FBXL17: variants seen among roughly 807,000 people sequenced by gnomAD.
The protein encoded by FBXL17 is F-box/LRR-repeat protein 17.
A neutral mutation model predicts 66.2 loss-of-function variants in FBXL17; 22 were observed. The ratio of observed to expected loss-of-function variants is 0.33; its 90% CI spans 0.24 to 0.47. The LOEUF is 0.47. Ranked by LOEUF, FBXL17 falls within the 20% of genes least tolerant of loss-of-function variation. The pLI, the probability that FBXL17 is intolerant of heterozygous loss-of-function variation, is 1.00. For missense variants in FBXL17, 878 were observed against 948.2 expected (o/e 0.93, Z 0.97); for synonymous variants, 474 against 400.5 (o/e 1.18, Z -2.19).
intron 5 of FBXL17, among the ~76,000 whole-genome samples, chr5:108,202,960 T>A (rs1753958528): frequency 6.6e-6 from 1 of 152,072 alleles, no homozygotes; most frequent in Non-Finnish European, 1.5e-5. Context: ...CTTTAATGGG[T>A]CAGCAGGAAA....
intron 4 of FBXL17, among the ~76,000 whole-genome samples, chr5:108,293,112 CA>C (rs543502394): frequency 7.7e-5 from 11 of 142,912 alleles, no homozygotes; most frequent in African/African-American, 2.0e-4. Context: ...AAAAAAAAAA[CA>C]AAAAAAAACT....
chr5:108,283,475 C>A (rs1487037967), intron 4 of FBXL17, among the ~76,000 whole-genome samples: 1 of 151,540 alleles, frequency 6.6e-6, no homozygotes, highest in Non-Finnish European at 1.5e-5. Flanking sequence ...AAAAACTGGA[C>A]TGCCATATGA....
intron 4 of FBXL17, among the ~76,000 whole-genome samples, chr5:108,233,931 C>A (rs1755482146): frequency 6.6e-6 from 1 of 152,062 alleles, no homozygotes; most frequent in Non-Finnish European, 1.5e-5. Context: ...TGCACTCAAT[C>A]AGAAATCTTT....
chr5:107,989,832 T>C (rs1753168391), intron 7 of FBXL17, among the ~76,000 whole-genome samples: 1 of 152,126 alleles, frequency 6.6e-6, no homozygotes, highest in Admixed American at 6.6e-5. Flanking sequence ...AAAAAAAATA[T>C]TGTGACTTCC....
chr5:107,885,194 T>C (rs1014457866), intron 7 of FBXL17, among the ~76,000 whole-genome samples: 2 of 152,230 alleles, frequency 1.3e-5, no homozygotes, highest in Non-Finnish European at 2.9e-5. Flanking sequence ...AATTTTAATA[T>C]ACTTTTTAAT....
chr5:108,055,475 G>C (rs927213958), intron 6 of FBXL17, among the ~76,000 whole-genome samples: 1 of 150,924 alleles, frequency 6.6e-6, no homozygotes, highest in Non-Finnish European at 1.5e-5. Flanking sequence ...TGGGTATGGT[G>C]GTGGGCGCCT....
chr5:108,314,996 CAACA>C (rs560909645), intron 4 of FBXL17, among the ~76,000 whole-genome samples: 7 of 150,692 alleles, frequency 4.6e-5, no homozygotes, highest in African/African-American at 7.3e-5. Flanking sequence ...AAATTCTAAA[CAACA>C]AACACCATTA....
chr5:107,957,644 G>A (rs571538705), intron 7 of FBXL17, among the ~76,000 whole-genome samples: 27 of 152,060 alleles, frequency 1.8e-4, no homozygotes, highest in African/African-American at 5.8e-4. Context: ...ACAGTTCTGC[G>A]CTCACATCAC....
chr5:108,381,293 C>CGAGGCGGCA lies in FBXL17; in HGVS notation c.390_398dup (p.Ala132_Ala134dup). ...TGCAGCAGGAGGCGGGCGACGAAGC[C>CGAGGCGGCA]GAGGCGGCAGCGGCGGCGGCGGCGG... On this transcript the variant is annotated inframe_insertion, in exon 1 of 9. Coordinates refer to ENST00000542267, the MANE Select transcript of FBXL17 (RefSeq NM_001163315.3). The CGAGGCGGCA allele has an allele frequency of 7.1e-7, 1 of 1,410,802 alleles. No homozygotes were observed. The highest frequency in any genetic ancestry group is 9.2e-7 in the Non-Finnish European group (1 of 1,086,986). The allele number at this position is 1,410,802 out of a possible 1,614,324, so 87.4% of individuals were successfully genotyped here.
At chr5:108,010,573 G>A (rs188436051) in intron 7 of FBXL17, among the ~76,000 whole-genome samples, 34 of 152,246 alleles carry the variant, frequency 2.2e-4, no homozygotes, top group East Asian at 1.5e-3. Flanking sequence ...TGTAAGATTC[G>A]GGATGTAGCA....
chr5:108,219,456 T>C (rs950283877), intron 5 of FBXL17, among the ~76,000 whole-genome samples: 3 of 152,120 alleles, frequency 2.0e-5, no homozygotes, highest in Non-Finnish European at 2.9e-5. Flanking sequence ...GAGGCTGACA[T>C]GGGTGGATCA....
chr5:108,165,024 C>T (rs1752361977), intron 6 of FBXL17, among the ~76,000 whole-genome samples: 1 of 152,038 alleles, frequency 6.6e-6, no homozygotes, highest in Non-Finnish European at 1.5e-5. Flanking sequence ...CATCGAAATT[C>T]GATTTCATGA....
At position 108,363,788 on chromosome 5, in the gene FBXL17, T is replaced by C. The variant is rs377170006; in HGVS notation, c.1374+950A>G. ...TAGATTTAATCCAGTTCTTAATACA[T>C]ACACCTTTTTAAAATGTTTCATTGT... On this transcript the variant is annotated intron_variant, in intron 3 of 8. Transcript: ENST00000542267. Among the ~76,000 whole-genome samples, 5 of 152,138 alleles carry C rather than the reference T, an allele frequency of 3.3e-5. No individual in the cohort carries two copies. In the East Asian group the frequency reaches 9.6e-4, roughly 29 times the overall value.
At chr5:108,113,801 T>G (rs1015189880) in intron 6 of FBXL17, among the ~76,000 whole-genome samples, 2 of 152,180 alleles carry the variant, frequency 1.3e-5, no homozygotes, top group African/African-American at 2.4e-5. Context: ...ATACCATATA[T>G]CCGTCTAATC....
chr5:108,102,801 C>A (rs1309899752), intron 6 of FBXL17, among the ~76,000 whole-genome samples: 1 of 152,084 alleles, frequency 6.6e-6, no homozygotes, highest in Non-Finnish European at 1.5e-5. Context: ...TAATGTTTAA[C>A]CATCTAAAGA....
At position 108,234,237 on chromosome 5, in the gene FBXL17, G is replaced by A. The variant is rs114062199; in HGVS notation, c.1507-10009C>T. Among the ~76,000 whole-genome samples, 749 of 152,222 alleles carry A rather than the reference G, an allele frequency of 4.9e-3. 11 individuals are homozygous for A. Among genetic ancestry groups the A allele is most frequent in the African/African-American group, 0.017 (716 of 41,530 alleles). On this transcript the variant is annotated intron_variant, in intron 4 of 8. Transcript: ENST00000542267. ...GTCTCTAGACGGCTCACACTCAGCC[G>A]AGGTTTGGGGTACTAGTTGCCACCG...
chr5:108,126,053 TG>T (rs1750684499), intron 6 of FBXL17, among the ~76,000 whole-genome samples: 1 of 152,112 alleles, frequency 6.6e-6, no homozygotes, highest in African/African-American at 2.4e-5. Context: ...ATGGGGCTTT[TG>T]AGAATTTCCT....
intron 4 of FBXL17, among the ~76,000 whole-genome samples, chr5:108,264,734 C>A (rs1170370137): frequency 1.3e-5 from 2 of 152,024 alleles, no homozygotes; most frequent in African/African-American, 4.8e-5. Flanking sequence ...TTAAGCCTTG[C>A]CAGCTTTATT....
intron 8 of FBXL17, chr5:107,880,210 G>T: frequency 4.1e-6 from 1 of 245,306 alleles, no homozygotes; most frequent in Non-Finnish European, 6.5e-6. Context: ...TGGGACTACA[G>T]GTGTGTGCCA....
Sources: gnomAD v4.1 joint callset for allele counts (sites outside exome capture counted in the v4.1 genomes callset) on GRCh38, gnomAD v4.1.1 for gene constraint, MANE v1.5 for transcripts, NCBI Gene and HGNC (gene_info 2026-07-23, HGNC 2026-07-21) for gene names.